The following NPSR1 variants were observed in gnomAD, a reference collection of about 807,000 sequenced individuals.
NPSR1 encodes neuropeptide S receptor.
NPSR1 carries 48 observed loss-of-function variants against 46.9 expected under a neutral mutation model. That is an observed-to-expected ratio of 1.02 (90% confidence interval 0.81 to 1.30). The LOEUF (loss-of-function observed/expected upper bound fraction) is 1.30, where lower values mean the gene tolerates loss of function less well. NPSR1 is among the 50% of genes most tolerant of loss of function. The probability of loss-of-function intolerance (pLI) is 0.00; values close to 1 mark genes in which losing one functional copy is unlikely to be tolerated. For synonymous variants in NPSR1, 176 were observed against 168.1 expected, an observed-to-expected ratio of 1.05 and a Z score of -0.36; for missense variants, 450 against 449.5, an observed-to-expected ratio of 1.00 and a Z score of -0.01.
At chr7:34,759,165 G>A (rs1468281746) in intron 2 of NPSR1, among the ~76,000 whole-genome samples, 1 of 152,026 alleles carries the variant, frequency 6.6e-6, no homozygotes, top group Non-Finnish European at 1.5e-5. Context: ...TTTTCCTTTT[G>A]CAACTGACAA....
chr7:34,851,100 C>T (rs1790921038), downstream of NPSR1, among the ~76,000 whole-genome samples: 1 of 152,066 alleles, frequency 6.6e-6, no homozygotes, highest in Non-Finnish European at 1.5e-5. Context: ...TGCACGTGAA[C>T]ACCTTATTTT....
chr7:34,683,236 G>A (rs1792741769), intron 1 of NPSR1, among the ~76,000 whole-genome samples: 1 of 152,232 alleles, frequency 6.6e-6, no homozygotes, highest in East Asian at 1.9e-4. Flanking sequence ...TAGGTCAGGA[G>A]ATTGAGACCA....
chr7:34,851,677 TCTC>T (rs1483783792), downstream of NPSR1, among the ~76,000 whole-genome samples: 2 of 152,186 alleles, frequency 1.3e-5, no homozygotes, highest in Middle Eastern at 3.2e-3. Flanking sequence ...AGGACCAGGT[TCTC>T]TTGACAGATG....
At chr7:34,871,337 G>C (rs1254792972) in intron 8 of NPSR1, among the ~76,000 whole-genome samples, 2 of 151,556 alleles carry the variant, frequency 1.3e-5, no homozygotes, top group African/African-American at 4.9e-5. Flanking sequence ...AGTCAGGAGG[G>C]ATCCACCCCC....
At chr7:34,801,518 AC>A (rs1434377783) in intron 3 of NPSR1, among the ~76,000 whole-genome samples, 4 of 131,820 alleles carry the variant, frequency 3.0e-5, no homozygotes, top group Admixed American at 7.8e-5. Flanking sequence ...AAATTCAACA[AC>A]CCTTCATGCT....
rs35436513 is a variant in NPSR1, at chr7:34,778,546, G to A, written c.365G>A (p.Arg122Gln). 7.3e-5 allele frequency: 118 copies of A among 1,611,100 alleles called. No individual in the cohort carries two copies. In the African/African-American group the frequency reaches 8.4e-4, roughly 11 times the overall value. Reference sequence around the variant, plus strand: ...TTCACGGCACCTGACCTGGTTTGCCGAGTGGTCCGCTATTTGCAGGTATGT... The same window carrying A: ...TTCACGGCACCTGACCTGGTTTGCCAAGTGGTCCGCTATTTGCAGGTATGT... ...GDFTAPDLVCRVVRYLQVVLL... is the reference protein window; with the variant it reads ...GDFTAPDLVCQVVRYLQVVLL... The change falls in exon 3 of 9, where the codon CGA becomes CAA. Residue 122 changes from arginine (R) to glutamine (Q), a missense_variant. Physicochemically the swap from Arg to Gln is conservative, Grantham distance 43. Coordinates refer to ENST00000360581, the MANE Select transcript of NPSR1 (RefSeq NM_207172.2).
chr7:34,823,465 CTAAT>C (rs1360661107), intron 4 of NPSR1, among the ~76,000 whole-genome samples: 2 of 139,270 alleles, frequency 1.4e-5, no homozygotes, highest in East Asian at 2.2e-4. Context: ...ATTTTGACTA[CTAAT>C]TAAAGAATTG....
intron 2 of NPSR1, among the ~76,000 whole-genome samples, chr7:34,776,649 G>GT (rs1435568359): frequency 6.6e-6 from 1 of 152,082 alleles, no homozygotes; most frequent in Non-Finnish European, 1.5e-5. Context: ...AATCCCTTTT[G>GT]TTTTTTCAAT....
chr7:34,704,085 C>T (rs10241772), intron 2 of NPSR1: 57,620 of 151,870 alleles, frequency 0.38, 11,531 homozygotes, highest in African/African-American at 0.49. Context: ...ATTACCTGAA[C>T]GCAGAGAAAC....
At chr7:34,744,842 C>T (rs1055432003) in intron 2 of NPSR1, among the ~76,000 whole-genome samples, 4 of 152,128 alleles carry the variant, frequency 2.6e-5, no homozygotes, top group African/African-American at 7.2e-5. Context: ...TCCATGGGTT[C>T]TGCATTTATG....
At chr7:34,706,566 T>G (rs185017106) in intron 2 of NPSR1, among the ~76,000 whole-genome samples, 111 of 152,280 alleles carry the variant, frequency 7.3e-4, no homozygotes, top group African/African-American at 2.6e-3. Context: ...TTTTAAAACA[T>G]TCTTCCTTTG....
chr7:34,869,119 T>C (rs1165689408), intron 8 of NPSR1, among the ~76,000 whole-genome samples: 3 of 151,742 alleles, frequency 2.0e-5, no homozygotes, highest in Non-Finnish European at 4.4e-5. Flanking sequence ...CCCACAACAC[T>C]GGCAGAACGA....
chr7:34,660,756 C>T (rs2128668079), intron 1 of NPSR1, among the ~76,000 whole-genome samples: 1 of 152,296 alleles, frequency 6.6e-6, no homozygotes, highest in South Asian at 2.1e-4. Context: ...ATCTTTCCTT[C>T]CGGTCCTGCC....
At chr7:34,750,234 C>T in intron 2 of NPSR1, 1 of 604,338 alleles carries the variant, frequency 1.7e-6, no homozygotes, top group Admixed American at 2.2e-5. Context: ...AGGAAAGGAA[C>T]AGGCAAGATG....
intron 2 of NPSR1, among the ~76,000 whole-genome samples, chr7:34,721,275 G>A (rs374143061): frequency 2.1e-4 from 32 of 152,254 alleles, no homozygotes; most frequent in South Asian, 1.2e-3. Flanking sequence ...AAAGGATAAG[G>A]AAATGAAAAC....
intron 4 of NPSR1, among the ~76,000 whole-genome samples, chr7:34,812,678 C>A (rs575471179): frequency 5.2e-4 from 79 of 152,172 alleles, no homozygotes; most frequent in Non-Finnish European, 8.2e-4. Context: ...GCTCTGCCCA[C>A]AATCAGAGAC....
At chr7:34,809,764 C>T (rs1440099110) in intron 3 of NPSR1, among the ~76,000 whole-genome samples, 3 of 152,132 alleles carry the variant, frequency 2.0e-5, no homozygotes, top group African/African-American at 7.2e-5. Flanking sequence ...GTTATTTTTC[C>T]TGATCCTAAC....
chr7:34,810,593 A>C (rs146687628), intron 3 of NPSR1, among the ~76,000 whole-genome samples: 137 of 152,348 alleles, frequency 9.0e-4, no homozygotes, highest in Non-Finnish European at 1.7e-3. Flanking sequence ...AGGCTCCCTA[A>C]AACCGGAACC....
intron 2 of NPSR1, among the ~76,000 whole-genome samples, chr7:34,707,120 T>G (rs1171037119): frequency 6.6e-6 from 1 of 152,242 alleles, no homozygotes; most frequent in Non-Finnish European, 1.5e-5. Flanking sequence ...ATGCCTTTGC[T>G]TCAGAGCACA....
Sources: gnomAD v4.1 joint callset for allele counts (sites outside exome capture counted in the v4.1 genomes callset) on GRCh38, gnomAD v4.1.1 for gene constraint, MANE v1.5 for transcripts, NCBI Gene and HGNC (gene_info 2026-07-23, HGNC 2026-07-21) for gene names.